Variants in SLC26A5 observed in about 807,000 individuals in gnomAD.
SLC26A5 encodes solute carrier family 26 member 5.
In SLC26A5, 51 loss-of-function variants were observed where a neutral mutation model predicts 81.0. That is an observed-to-expected ratio of 0.63 (90% CI 0.50 to 0.80). SLC26A5 has a LOEUF of 0.80. Ranked by LOEUF, SLC26A5 falls within the 30% of genes least tolerant of loss-of-function variation. The pLI, the probability that SLC26A5 is intolerant of heterozygous loss-of-function variation, is 0.00. For synonymous variants in SLC26A5, 325 were observed against 332.8 expected, an observed-to-expected ratio of 0.98 and a Z score of 0.25; for missense variants, 771 against 905.8, an observed-to-expected ratio of 0.85 and a Z score of 1.91.
chr7:103,400,365 T>C (rs1195515029), intron 8 of SLC26A5, among the ~76,000 whole-genome samples: 1 of 152,226 alleles, frequency 6.6e-6, no homozygotes, highest in Middle Eastern at 3.2e-3. Flanking sequence ...TGCATAAACG[T>C]CTTCTTTTGA....
intron 8 of SLC26A5, among the ~76,000 whole-genome samples, chr7:103,407,554 A>G (rs1333665018): frequency 6.6e-6 from 1 of 152,224 alleles, no homozygotes; most frequent in East Asian, 1.9e-4. Context: ...ACTCATTACA[A>G]AACAATTAGC....
intron 19 of SLC26A5, among the ~76,000 whole-genome samples, chr7:103,364,958 CATATATATATATATAT>C (rs59914167): frequency 1.6e-5 from 2 of 125,502 alleles, no homozygotes; most frequent in Admixed American, 1.7e-4. Context: ...TGTAGACATA[CATATATATATATATAT>C]ATATATATAT....
At chr7:103,439,888 C>T (rs1379413467) in intron 2 of SLC26A5, among the ~76,000 whole-genome samples, 1 of 152,180 alleles carries the variant, frequency 6.6e-6, no homozygotes, top group Non-Finnish European at 1.5e-5. Flanking sequence ...GGCCTTTGCA[C>T]TGGCCAGGAT....
At chr7:103,388,392 G>A (rs2116452761) in intron 14 of SLC26A5, 1 of 160,772 alleles carries the variant, frequency 6.2e-6, no homozygotes, top group Non-Finnish European at 1.4e-5. Flanking sequence ...GCGGAGATGG[G>A]GTTTCACCAT....
intron 16 of SLC26A5, 111 bp downstream of exon 16, chr7:103,379,132 G>A (rs1461910748): frequency 2.5e-6 from 2 of 790,004 alleles, no homozygotes; most frequent in Non-Finnish European, 4.4e-6. Context: ...ATAAAAGAGA[G>A]AGAAACAAAG....
At chr7:103,364,954 C>CATAT (rs1554575463) in intron 19 of SLC26A5, among the ~76,000 whole-genome samples, 1 of 38,962 alleles carries the variant, frequency 2.6e-5, no homozygotes, top group Non-Finnish European at 4.5e-5. Context: ...TGTTTGTAGA[C>CATAT]ATACATATAT....
intron 4 of SLC26A5, among the ~76,000 whole-genome samples, chr7:103,414,025 G>T (rs191632365): frequency 6.6e-6 from 1 of 151,974 alleles, no homozygotes; most frequent in East Asian, 1.9e-4. Flanking sequence ...TTTACTCTTG[G>T]TGTGGTACAG....
chr7:103,354,027 CT>C, intron 19 of SLC26A5: 2 of 1,198,444 alleles, frequency 1.7e-6, no homozygotes, highest in Non-Finnish European at 2.3e-6. Flanking sequence ...TGGTATTGTC[CT>C]TCCAAAATAA....
At chr7:103,361,786 A>G (rs1820430210) in intron 19 of SLC26A5, among the ~76,000 whole-genome samples, 1 of 152,236 alleles carries the variant, frequency 6.6e-6, no homozygotes, top group Non-Finnish European at 1.5e-5. Context: ...ACTTGGCTAA[A>G]GTCGAATGGA....
At chr7:103,410,580 G>A in intron 6 of SLC26A5, 31 bp from the exon 7 acceptor site, 1 of 1,567,958 alleles carries the variant, frequency 6.4e-7, no homozygotes, top group Non-Finnish European at 8.7e-7. Flanking sequence ...AGAAACAAAT[G>A]AATCACATGA....
intron 19 of SLC26A5, chr7:103,363,274 A>G: frequency 1.6e-6 from 2 of 1,246,358 alleles, no homozygotes; most frequent in Non-Finnish European, 1.2e-6. Flanking sequence ...TATTAGGTCT[A>G]TTCTATTGAA....
At chr7:103,362,428 C>A in intron 19 of SLC26A5, 2 of 1,353,134 alleles carry the variant, frequency 1.5e-6, no homozygotes, top group South Asian at 3.3e-5. Flanking sequence ...GAATACATAA[C>A]AACTCACTTA....
At chr7:103,412,681 C>G (rs1406070519) in intron 5 of SLC26A5, among the ~76,000 whole-genome samples, 1 of 151,532 alleles carries the variant, frequency 6.6e-6, no homozygotes, top group African/African-American at 2.4e-5. Context: ...TCCTGAGTAG[C>G]TGGGATTACA....
chr7:103,412,314 A>C (rs1236232706), intron 5 of SLC26A5, among the ~76,000 whole-genome samples: 2 of 152,190 alleles, frequency 1.3e-5, no homozygotes, highest in South Asian at 4.1e-4. Context: ...TACAATTCAG[A>C]GCCCAAAATA....
At chr7:103,430,066 G>A (rs1046527356) in intron 2 of SLC26A5, among the ~76,000 whole-genome samples, 1 of 147,114 alleles carries the variant, frequency 6.8e-6, no homozygotes, top group Non-Finnish European at 1.5e-5. Context: ...TTTGAAGGCT[G>A]GAAATGGCAC....
intron 8 of SLC26A5, among the ~76,000 whole-genome samples, chr7:103,407,156 G>A (rs773676637): frequency 1.3e-5 from 2 of 152,184 alleles, no homozygotes; most frequent in Non-Finnish European, 2.9e-5. Flanking sequence ...TCTTTGCAAA[G>A]CTGGGTGTTC....
chr7:103,377,660 A>C lies in SLC26A5; in HGVS notation c.1925T>G (p.Val642Gly), dbSNP rs1821454242. The C allele has an allele frequency of 4.3e-6, 7 of 1,614,104 alleles. No individual in the cohort carries two copies. Among genetic ancestry groups the C allele is most frequent in the Non-Finnish European group, 5.9e-6 (7 of 1,180,010 alleles). Residue 642 changes from valine to glycine, a missense_variant, in exon 18 of 20, where the codon GTC becomes GGC. Physicochemically the swap from Val to Gly is moderately radical, Grantham distance 109. Coordinates refer to ENST00000306312, the MANE Select transcript of SLC26A5 (RefSeq NM_198999.3). ...ATTGACTTGAGTGAAATCCAAAATG[A>C]CAGTGTGGACGTTATCCCCTGGGGG... ...FMPPGDNVHTVILDFTQVNFI... is the reference protein window; with the variant it reads ...FMPPGDNVHTGILDFTQVNFI...
At chr7:103,352,738 A>AT (rs1191662340) in exon 20 of SLC26A5, 5 of 733,422 alleles carry the variant, frequency 6.8e-6, no homozygotes, top group African/African-American at 3.5e-5. Context: ...TGGTAGATTC[A>AT]TTTTTTCTTT....
At chr7:103,426,987 A>T (rs1825747296) in intron 2 of SLC26A5, among the ~76,000 whole-genome samples, 1 of 152,238 alleles carries the variant, frequency 6.6e-6, no homozygotes, top group African/African-American at 2.4e-5. Flanking sequence ...ATGACAGCAA[A>T]GCAAATTGAC....
Sources: gnomAD v4.1 joint callset for allele counts (sites outside exome capture counted in the v4.1 genomes callset) on GRCh38, gnomAD v4.1.1 for gene constraint, MANE v1.5 for transcripts, NCBI Gene and HGNC (gene_info 2026-07-23, HGNC 2026-07-21) for gene names.